LOXL2: variants seen among roughly 807,000 people sequenced by gnomAD.
LOXL2 encodes lysyl oxidase homolog 2.
In LOXL2, 70 loss-of-function variants were observed where a neutral mutation model predicts 93.0. The observed-to-expected ratio is 0.75, with a 90% CI of 0.62 to 0.92. LOXL2 has a LOEUF of 0.92. Ranked by LOEUF, LOXL2 falls within the 40% of genes least tolerant of loss-of-function variation. The pLI is 0.00. For synonymous variants in LOXL2, 438 were observed against 413.2 expected (o/e 1.06, Z -0.73); for missense variants, 973 against 1,054.9 (o/e 0.92, Z 1.08).
chr8:23,345,497 C>T (rs11996924), intron 3 of LOXL2, among the ~76,000 whole-genome samples: 2,375 of 152,252 alleles, frequency 0.016, 60 homozygotes, highest in African/African-American at 0.055. Flanking sequence ...TTCAGGCCAG[C>T]GGGAGGAGGC....
chr8:23,366,630 C>T (rs7835427), intron 2 of LOXL2, among the ~76,000 whole-genome samples: 39,835 of 152,090 alleles, frequency 0.26, 7,874 homozygotes, highest in African/African-American at 0.55. Flanking sequence ...CTCCCTTGGG[C>T]GATTCTTACG....
chr8:23,324,374 C>T (rs1803545724), intron 6 of LOXL2, among the ~76,000 whole-genome samples: 1 of 152,178 alleles, frequency 6.6e-6, no homozygotes, highest in Admixed American at 6.5e-5. Flanking sequence ...ACCCATGGTG[C>T]GTCCAAGGAA....
Position 23,356,190 on chromosome 8 carries a change from G to C in LOXL2, c.531+3900C>G, listed in dbSNP as rs143643162. Among the ~76,000 whole-genome samples the C allele has an allele frequency of 3.8e-3, 579 of 152,274 alleles. 3 individuals carry two copies. The highest frequency in any genetic ancestry group is 6.3e-3 in the Non-Finnish European group (427 of 68,020). ...TACATGATGGGGAGGCCGGAACAGAGCCCTAGGGCTCACCATCAGAGACCA... is the reference window on the plus strand; with the variant it reads ...TACATGATGGGGAGGCCGGAACAGACCCCTAGGGCTCACCATCAGAGACCA... On this transcript the variant is annotated intron_variant, in intron 3 of 13. Coordinates refer to ENST00000389131, the MANE Select transcript of LOXL2 (RefSeq NM_002318.3).
intron 12 of LOXL2, among the ~76,000 whole-genome samples, chr8:23,299,176 C>A (rs1215523627): frequency 6.6e-6 from 1 of 152,220 alleles, no homozygotes; most frequent in Admixed American, 6.5e-5. Context: ...TGTCCATATC[C>A]GTGTAACACA....
At chr8:23,364,176 CTT>C (rs11461397) in intron 2 of LOXL2, 1 of 151,942 alleles carries the variant, frequency 6.6e-6, no homozygotes. Context: ...GCAAAGGGCC[CTT>C]TTTTTTCCCT....
chr8:23,397,194 T>C (rs1189437744), intron 1 of LOXL2, among the ~76,000 whole-genome samples: 1 of 150,198 alleles, frequency 6.7e-6, no homozygotes, highest in Non-Finnish European at 1.5e-5. Flanking sequence ...CTGCCAGGGA[T>C]TGGTCGGAGG....
At chr8:23,319,510 TG>T (rs1196207728) in intron 8 of LOXL2, among the ~76,000 whole-genome samples, 1 of 152,126 alleles carries the variant, frequency 6.6e-6, no homozygotes, top group Non-Finnish European at 1.5e-5. Context: ...AGCCTTGGGC[TG>T]GGGGTCACCA....
chr8:23,387,767 T>C (rs1015455186), intron 1 of LOXL2, among the ~76,000 whole-genome samples: 29 of 152,130 alleles, frequency 1.9e-4, no homozygotes, highest in Admixed American at 1.3e-3. Flanking sequence ...CTGGCCAACA[T>C]GGTGAAACCC....
chr8:23,391,486 C>T (rs911752174), intron 1 of LOXL2, among the ~76,000 whole-genome samples: 1 of 152,150 alleles, frequency 6.6e-6, no homozygotes, highest in African/African-American at 2.4e-5. Flanking sequence ...TCATCATTCC[C>T]ATCAAGCACT....
intron 9 of LOXL2, among the ~76,000 whole-genome samples, chr8:23,313,116 G>A (rs1321130895): frequency 2.0e-5 from 3 of 151,976 alleles, no homozygotes; most frequent in Non-Finnish European, 4.4e-5. Context: ...CCTCTTCAAG[G>A]AGAACTACAA....
At chr8:23,340,071 C>T (rs542685679) in intron 4 of LOXL2, among the ~76,000 whole-genome samples, 1 of 152,196 alleles carries the variant, frequency 6.6e-6, no homozygotes, top group Non-Finnish European at 1.5e-5. Flanking sequence ...AGTCTGCACC[C>T]TCTAAGAGTG....
At chr8:23,300,436 G>A (rs1238380481) in intron 12 of LOXL2, among the ~76,000 whole-genome samples, 2 of 152,166 alleles carry the variant, frequency 1.3e-5, no homozygotes, top group East Asian at 1.9e-4. Flanking sequence ...GTCCCTCTGC[G>A]TGGACGGTCA....
At chr8:23,352,387 C>G (rs1804108976) in intron 3 of LOXL2, among the ~76,000 whole-genome samples, 1 of 152,158 alleles carries the variant, frequency 6.6e-6, no homozygotes, top group South Asian at 2.1e-4. Flanking sequence ...CCACTATCTT[C>G]TAAACTGCAC....
At chr8:23,386,190 G>A (rs1052937027) in intron 1 of LOXL2, 15 of 611,432 alleles carry the variant, frequency 2.5e-5, no homozygotes, top group African/African-American at 5.5e-5. Flanking sequence ...TCAGGAGTTC[G>A]AGACCAGCCT....
intron 3 of LOXL2, among the ~76,000 whole-genome samples, chr8:23,346,161 A>AAATAAG (rs1803978471): frequency 7.4e-6 from 1 of 135,460 alleles, no homozygotes. Context: ...TAAAATAAAA[A>AAATAAG]ATAAAATAAA....
Position 23,368,283 on chromosome 8 carries a change from G to C in LOXL2, c.69C>G (p.Ser23Arg). Residue 23 changes from serine to arginine, a missense_variant, in exon 2 of 14, where the codon AGC becomes AGG. Physicochemically the swap from Ser to Arg is moderately radical, Grantham distance 110. Transcript: ENST00000389131. Reference protein sequence around the residue: ...LAMLALLSPLSLAQYDSWPHY... With the variant: ...LAMLALLSPLRLAQYDSWPHY... ...GGGGCCAGCTGTCATACTGTGCCAG[G>C]CTCAGGGGGGACAGGAGGGCCAGCA... 6.2e-7 allele frequency: 1 copy of C among 1,613,692 alleles called. No homozygotes were observed. The highest frequency in any genetic ancestry group is 2.2e-5 in the East Asian group (1 of 44,868).
chr8:23,375,014 C>G (rs1295017918), intron 1 of LOXL2, among the ~76,000 whole-genome samples: 1 of 152,154 alleles, frequency 6.6e-6, no homozygotes, highest in Non-Finnish European at 1.5e-5. Context: ...ACATGAAGTC[C>G]TTGCTCATGC....
In LOXL2 at chr8:23,298,142, TAG is replaced by T. The variant is rs1376640743; in HGVS notation, c.2246-22_2246-21del. ...AACCACCTGAAGAGCGAGAATCGGGTAGAGAGAGTGGACAAATGAGATGCTCG... is the reference window on the plus strand; with the variant it reads ...AACCACCTGAAGAGCGAGAATCGGGTAGAGAGTGGACAAATGAGATGCTCG... On this transcript the variant is annotated intron_variant, in intron 13 of 13. Coordinates refer to ENST00000389131, the MANE Select transcript of LOXL2 (RefSeq NM_002318.3). The T allele has an allele frequency of 1.1e-5, 18 of 1,599,340 alleles. No individual in the cohort carries two copies. The highest frequency in any genetic ancestry group is 2.2e-5 in the South Asian group (2 of 90,638).
intron 3 of LOXL2, 106 bp downstream of exon 3, chr8:23,359,984 C>T: frequency 4.7e-6 from 5 of 1,063,224 alleles, no homozygotes; most frequent in African/African-American, 3.1e-5. Context: ...GTGAGGTACC[C>T]TCCTTCCTGC....
Sources: gnomAD v4.1 joint callset for allele counts (sites outside exome capture counted in the v4.1 genomes callset) on GRCh38, gnomAD v4.1.1 for gene constraint, MANE v1.5 for transcripts, NCBI Gene and HGNC (gene_info 2026-07-23, HGNC 2026-07-21) for gene names.